The following GNG12 variants were observed in gnomAD, a reference collection of about 807,000 sequenced individuals.
The protein encoded by GNG12 is G protein subunit gamma 12.
For missense variants in GNG12, 69 were observed against 83.8 expected (o/e 0.82, Z 0.69); for synonymous variants, 28 against 29.7 (o/e 0.94, Z 0.19).
intron 2 of GNG12, among the ~76,000 whole-genome samples, chr1:67,770,066 G>A (rs1005960819): frequency 3.9e-5 from 6 of 152,184 alleles, no homozygotes; most frequent in African/African-American, 1.4e-4. Flanking sequence ...TGGGTCTGAG[G>A]TTAAGATGCG....
rs143448687 is a variant in GNG12 at position 67,780,597 on chromosome 1, G to C, written c.-76-3090C>G. On this transcript the variant is annotated intron_variant, in intron 1 of 3. Coordinates refer to ENST00000370982, the MANE Select transcript of GNG12 (RefSeq NM_018841.6). ...CACTGGAATAGCATTGAAAGGATAGGAGCCAAGGCTATCAACCCAGGCCTG... is the reference window on the plus strand; with the variant it reads ...CACTGGAATAGCATTGAAAGGATAGCAGCCAAGGCTATCAACCCAGGCCTG... Among the ~76,000 whole-genome samples the C allele has an allele frequency of 7.4e-4, 112 of 152,288 alleles. 2 individuals carry two copies. The highest frequency in any genetic ancestry group is 2.5e-3 in the African/African-American group (105 of 41,572).
intron 2 of GNG12, among the ~76,000 whole-genome samples, chr1:67,754,831 C>T (rs1475626715): frequency 1.3e-5 from 2 of 152,188 alleles, no homozygotes; most frequent in Non-Finnish European, 2.9e-5. Flanking sequence ...TTTAATCACT[C>T]CTTGTGTAGC....
At chr1:67,712,845 T>TC (rs1202502110) in intron 2 of GNG12, among the ~76,000 whole-genome samples, 3 of 136,334 alleles carry the variant, frequency 2.2e-5, no homozygotes, top group Non-Finnish European at 4.8e-5. Flanking sequence ...TTTTTTTTTT[T>TC]CCCCTCTTTT....
chr1:67,757,921 T>G (rs946187253), intron 2 of GNG12, among the ~76,000 whole-genome samples: 1 of 152,212 alleles, frequency 6.6e-6, no homozygotes, highest in South Asian at 2.1e-4. Flanking sequence ...AACGAGTCTC[T>G]GTGCTCAGAA....
At chr1:67,790,198 T>C (rs1304056438) in intron 1 of GNG12, among the ~76,000 whole-genome samples, 2 of 152,186 alleles carry the variant, frequency 1.3e-5, no homozygotes, top group Non-Finnish European at 2.9e-5. Flanking sequence ...CCTGTTCTTA[T>C]ACCTACCACC....
intron 2 of GNG12, among the ~76,000 whole-genome samples, chr1:67,741,614 T>G (rs1029028941): frequency 6.6e-6 from 1 of 152,210 alleles, no homozygotes; most frequent in Non-Finnish European, 1.5e-5. Flanking sequence ...TCCACCATCT[T>G]TGAGTCTATA....
intron 3 of GNG12, among the ~76,000 whole-genome samples, chr1:67,706,939 C>T (rs1019931536): frequency 1.5e-4 from 23 of 152,272 alleles, no homozygotes; most frequent in African/African-American, 5.1e-4. Flanking sequence ...GGATTACAGG[C>T]GTGAGCCACC....
At position 67,704,020 on chromosome 1, in the gene GNG12, C is replaced by T. The variant is rs775044755; in HGVS notation, c.*1431G>A. 6 of 152,254 alleles carry T rather than the reference C, an allele frequency of 3.9e-5. No homozygotes were observed. The highest frequency in any genetic ancestry group is 8.8e-5 in the Non-Finnish European group (6 of 68,052). 9.4% of individuals were successfully genotyped at this position (152,254 alleles called of 1,614,324 possible). On this transcript the variant is annotated 3_prime_UTR_variant, in exon 4 of 4. Coordinates refer to ENST00000370982, the MANE Select transcript of GNG12 (RefSeq NM_018841.6). ...CAAAGGCCTAGTGTATGATTTGACT[C>T]CGAAGTGACCCTCTCTTCTACTTTG... is the stretch of plus-strand genomic sequence containing the variant.
At chr1:67,717,618 A>G (rs1646333589) in intron 2 of GNG12, among the ~76,000 whole-genome samples, 3 of 152,136 alleles carry the variant, frequency 2.0e-5, no homozygotes. Flanking sequence ...CTACAGGATT[A>G]AGTGTTCTTC....
intron 2 of GNG12, among the ~76,000 whole-genome samples, chr1:67,711,345 T>C (rs931346986): frequency 6.6e-6 from 1 of 151,594 alleles, no homozygotes; most frequent in African/African-American, 2.4e-5. Flanking sequence ...TAATTATGTA[T>C]GTACACACGG....
chr1:67,754,503 A>C (rs559909641), intron 2 of GNG12, among the ~76,000 whole-genome samples: 1 of 151,822 alleles, frequency 6.6e-6, no homozygotes, highest in African/African-American at 2.4e-5. Flanking sequence ...CCACTGCCCC[A>C]CCCTAGTTGG....
intron 2 of GNG12, among the ~76,000 whole-genome samples, chr1:67,738,758 G>A (rs910057502): frequency 4.6e-5 from 7 of 152,188 alleles, no homozygotes; most frequent in Non-Finnish European, 1.0e-4. Flanking sequence ...TGTGCCTGTG[G>A]TCTTAGCTAC....
chr1:67,829,699 A>G (rs1570582154), intron 1 of GNG12, among the ~76,000 whole-genome samples: 1 of 152,262 alleles, frequency 6.6e-6, no homozygotes, highest in East Asian at 1.9e-4. Flanking sequence ...ACCTAGAAGT[A>G]TGAGCCAGAA....
At position 67,787,720 on chromosome 1, in the gene GNG12, A is replaced by G. The variant is rs139558412; in HGVS notation, c.-76-10213T>C. Among the ~76,000 whole-genome samples, 57 of 152,326 alleles carry G rather than the reference A, an allele frequency of 3.7e-4. No homozygotes were observed. In the East Asian group the frequency reaches 9.8e-3, roughly 26 times the overall value. On this transcript the variant is annotated intron_variant, in intron 1 of 3. Coordinates refer to ENST00000370982, the MANE Select transcript of GNG12 (RefSeq NM_018841.6). Reference sequence around the variant, plus strand: ...AATAGCCAGCTACCCAACCCAACAGAAAGGAAGAGTGAGCAGGCCTTATTC... The same window carrying G: ...AATAGCCAGCTACCCAACCCAACAGGAAGGAAGAGTGAGCAGGCCTTATTC...
At chr1:67,813,763 T>C (rs542229529) in intron 1 of GNG12, among the ~76,000 whole-genome samples, 1 of 152,296 alleles carries the variant, frequency 6.6e-6, no homozygotes, top group South Asian at 2.1e-4. Context: ...GAAGGCTGAA[T>C]TGTGGCAACT....
chr1:67,764,478 A>C (rs1001503487), intron 2 of GNG12, among the ~76,000 whole-genome samples: 1 of 152,172 alleles, frequency 6.6e-6, no homozygotes, highest in Non-Finnish European at 1.5e-5. Context: ...AGCGTATTAT[A>C]ATTTGTGAAT....
chr1:67,813,004 T>C (rs147386186), intron 1 of GNG12, among the ~76,000 whole-genome samples: 15 of 152,320 alleles, frequency 9.8e-5, no homozygotes, highest in African/African-American at 3.4e-4. Flanking sequence ...CATCCATTTC[T>C]TCATTTGTAA....
intron 1 of GNG12, among the ~76,000 whole-genome samples, chr1:67,813,783 T>C (rs1646939035): frequency 6.6e-6 from 1 of 152,140 alleles, no homozygotes; most frequent in African/African-American, 2.4e-5. Flanking sequence ...TTTTGCATCT[T>C]TTCCTCCCCC....
chr1:67,746,736 G>GAGTATTAGTA (rs1360101968), intron 2 of GNG12, among the ~76,000 whole-genome samples: 1 of 152,216 alleles, frequency 6.6e-6, no homozygotes, highest in Non-Finnish European at 1.5e-5. Flanking sequence ...AAGACCCAGA[G>GAGTATTAGTA]AGTATTAGTA....
Sources: gnomAD v4.1 joint callset for allele counts (sites outside exome capture counted in the v4.1 genomes callset) on GRCh38, gnomAD v4.1.1 for gene constraint, MANE v1.5 for transcripts, NCBI Gene and HGNC (gene_info 2026-07-23, HGNC 2026-07-21) for gene names.